Variants in LRP1B observed in about 807,000 individuals in gnomAD.
LRP1B encodes the protein LDL receptor related protein 1B, also known as low-density lipoprotein receptor-related protein 1B.
LRP1B carries 217 observed loss-of-function variants against 556.6 expected under a neutral mutation model. That is an observed-to-expected ratio of 0.39 (90% CI 0.35 to 0.44). The LOEUF is 0.44. Among genes scored for constraint, LRP1B ranks in the 20% least tolerant of loss-of-function variants. LRP1B has a pLI of 1.00. For missense variants in LRP1B, 5,053 were observed against 5,620.8 expected, an observed-to-expected ratio of 0.90 and a Z score of 3.23; for synonymous variants, 2,047 against 1,865.8, an observed-to-expected ratio of 1.10 and a Z score of -2.50.
At chr2:141,007,201 T>G (rs1166061011) in intron 14 of LRP1B, among the ~76,000 whole-genome samples, 2 of 151,856 alleles carry the variant, frequency 1.3e-5, no homozygotes, top group Admixed American at 1.3e-4. Context: ...GTTATTATAC[T>G]GAGGCTCAGA....
At chr2:141,951,288 C>T (rs931919296) in intron 1 of LRP1B, among the ~76,000 whole-genome samples, 6 of 152,054 alleles carry the variant, frequency 3.9e-5, no homozygotes, top group African/African-American at 1.4e-4. Context: ...GCACCCGTTA[C>T]CCGAGCAGTG....
At chr2:141,736,146 C>G (rs754139639) in intron 2 of LRP1B, among the ~76,000 whole-genome samples, 1 of 151,992 alleles carries the variant, frequency 6.6e-6, no homozygotes, top group Non-Finnish European at 1.5e-5. Context: ...CCCTTGGAAA[C>G]CCAGACTAAA....
intron 41 of LRP1B, among the ~76,000 whole-genome samples, chr2:140,647,694 A>T (rs1279638441): frequency 6.6e-6 from 1 of 152,220 alleles, no homozygotes; most frequent in Non-Finnish European, 1.5e-5. Context: ...ATTTTTGCTC[A>T]TCATCACAGG....
chr2:141,521,209 C>G (rs995369992), intron 2 of LRP1B, among the ~76,000 whole-genome samples: 2 of 152,006 alleles, frequency 1.3e-5, no homozygotes, highest in Admixed American at 6.6e-5. Flanking sequence ...TTTATAAAAC[C>G]CTTTCACATT....
At chr2:141,294,739 C>CA (rs10700407) in intron 3 of LRP1B, among the ~76,000 whole-genome samples, 79,571 of 139,142 alleles carry the variant, frequency 0.57, 23,102 homozygotes, top group Middle Eastern at 0.68. Context: ...GATTCTGTCT[C>CA]AAAAAAAAAA....
intron 2 of LRP1B, among the ~76,000 whole-genome samples, chr2:141,614,500 G>A (rs1020570664): frequency 1.3e-5 from 2 of 152,186 alleles, no homozygotes; most frequent in Non-Finnish European, 2.9e-5. Context: ...CTTTGCATAT[G>A]TAATCAAGTT....
chr2:141,221,217 G>T, intron 6 of LRP1B, among the ~76,000 whole-genome samples: 1 of 148,170 alleles, frequency 6.7e-6, no homozygotes, highest in Non-Finnish European at 1.5e-5. Context: ...AATTTATCAA[G>T]CAAATGGAAA....
At position 142,130,825 on chromosome 2, in the gene LRP1B, A is replaced by G. The variant is rs1559087832; in HGVS notation, c.-96T>C. The G allele has an allele frequency of 3.3e-6, 3 of 920,424 alleles. No individual in the cohort carries two copies. The East Asian group carries it at 7.9e-5, about 24-fold the overall frequency. The allele number at this position is 920,424 out of a possible 1,614,324, so 57.0% of individuals were successfully genotyped here. On this transcript the variant is annotated 5_prime_UTR_variant, in exon 1 of 91. Transcript: ENST00000389484. ...GCGGCAGGGGCCGCTTGGAGCCTGG[A>G]ATCGAGCGGCGTCATTTACAAATGT...
chr2:140,698,617 C>A (rs1015528458), intron 41 of LRP1B, among the ~76,000 whole-genome samples: 14 of 152,000 alleles, frequency 9.2e-5, no homozygotes, highest in Non-Finnish European at 2.9e-5. Context: ...GAGCTTCCAG[C>A]CTCCCGAAGT....
At chr2:140,285,006 A>ATCTC (rs199717126) in intron 84 of LRP1B, among the ~76,000 whole-genome samples, 6 of 144,852 alleles carry the variant, frequency 4.1e-5, no homozygotes, top group Non-Finnish European at 9.1e-5. Flanking sequence ...ATACCTAGAT[A>ATCTC]TCTCTCTGTG....
intron 35 of LRP1B, among the ~76,000 whole-genome samples, chr2:140,765,454 C>T (rs1187928685): frequency 6.6e-6 from 1 of 152,084 alleles, no homozygotes; most frequent in African/African-American, 2.4e-5. Flanking sequence ...GCTTTGAAGG[C>T]TTTTCTCCTA....
intron 35 of LRP1B, among the ~76,000 whole-genome samples, chr2:140,765,806 G>T (rs1192781244): frequency 1.3e-5 from 2 of 152,072 alleles, no homozygotes; most frequent in African/African-American, 4.8e-5. Context: ...TCATGGTAAT[G>T]AAATAGTATT....
At chr2:141,855,031 G>GA (rs1698002646) in intron 1 of LRP1B, among the ~76,000 whole-genome samples, 2 of 151,930 alleles carry the variant, frequency 1.3e-5, no homozygotes, top group Admixed American at 6.6e-5. Flanking sequence ...AGTGGCAGAA[G>GA]AAAAAAATGA....
chr2:141,904,302 G>C (rs753915688), intron 1 of LRP1B, among the ~76,000 whole-genome samples: 14 of 151,834 alleles, frequency 9.2e-5, no homozygotes, highest in Non-Finnish European at 2.1e-4. Flanking sequence ...ATGCTGAAAC[G>C]TGGTCAGCTC....
chr2:140,401,718 C>CT (rs953695834), intron 66 of LRP1B, among the ~76,000 whole-genome samples: 20 of 152,312 alleles, frequency 1.3e-4, no homozygotes, highest in African/African-American at 4.6e-4. Flanking sequence ...ATCAGGTGCT[C>CT]TTTTGCAAGC....
chr2:141,304,621 A>C (rs1318567850), intron 3 of LRP1B, among the ~76,000 whole-genome samples: 1 of 151,434 alleles, frequency 6.6e-6, no homozygotes, highest in African/African-American at 2.4e-5. Flanking sequence ...CTGGTATTAC[A>C]GGCATGCACC....
chr2:140,355,786 T>C (rs915192425), intron 75 of LRP1B, among the ~76,000 whole-genome samples: 2 of 151,946 alleles, frequency 1.3e-5, no homozygotes, highest in Non-Finnish European at 2.9e-5. Context: ...GTAATTATAT[T>C]TACTTACTTA....
At chr2:141,308,490 A>AT (rs1261030064) in intron 3 of LRP1B, among the ~76,000 whole-genome samples, 2 of 152,210 alleles carry the variant, frequency 1.3e-5, no homozygotes, top group Non-Finnish European at 2.9e-5. Flanking sequence ...TGTCCTGAGC[A>AT]TTTATCTTTG....
chr2:142,028,665 T>TA (rs2105190856), intron 1 of LRP1B, among the ~76,000 whole-genome samples: 1 of 152,118 alleles, frequency 6.6e-6, no homozygotes, highest in South Asian at 2.1e-4. Context: ...AACACAAGTT[T>TA]AATTTCTCTT....
Sources: allele counts gnomAD v4.1 joint callset (sites outside exome capture counted in the v4.1 genomes callset), GRCh38; gene constraint gnomAD v4.1.1; transcripts MANE v1.5; gene names NCBI Gene and HGNC (gene_info 2026-07-23, HGNC 2026-07-21).